The following PTPRN2 variants were observed in gnomAD, a reference collection of about 807,000 sequenced individuals.
The protein encoded by PTPRN2 is protein tyrosine phosphatase receptor type N2.
PTPRN2 carries 74 observed loss-of-function variants against 118.8 expected under a neutral mutation model. That is an observed-to-expected ratio of 0.62 (90% CI 0.52 to 0.76). The LOEUF (loss-of-function observed/expected upper bound fraction) is 0.76, where lower values mean the gene tolerates loss of function less well. Ranked by LOEUF, PTPRN2 falls within the 30% of genes least tolerant of loss-of-function variation. The probability of loss-of-function intolerance (pLI) is 0.00; values close to 1 mark genes in which losing one functional copy is unlikely to be tolerated. For synonymous variants in PTPRN2, 641 were observed against 608.0 expected, an observed-to-expected ratio of 1.05 and a Z score of -0.80; for missense variants, 1,481 against 1,394.4, an observed-to-expected ratio of 1.06 and a Z score of -0.99.
intron 6 of PTPRN2, among the ~76,000 whole-genome samples, chr7:158,160,081 A>G (rs1420879834): frequency 6.6e-6 from 1 of 152,194 alleles, no homozygotes; most frequent in Non-Finnish European, 1.5e-5. Flanking sequence ...TATTGTCTTT[A>G]TTTGGAAATT....
chr7:158,552,795 G>A (rs1371931354), intron 1 of PTPRN2, among the ~76,000 whole-genome samples: 1 of 152,278 alleles, frequency 6.6e-6, no homozygotes. Context: ...ACAACAACCA[G>A]TAAAGACCAC....
chr7:157,878,402 TGGAA>T (rs1436998318), intron 12 of PTPRN2, among the ~76,000 whole-genome samples: 5 of 147,118 alleles, frequency 3.4e-5, no homozygotes, highest in Admixed American at 1.3e-4. Context: ...TCCGTGGGGC[TGGAA>T]GGGTCAGTGT....
At chr7:158,366,824 CCA>C (rs1254374859) in intron 2 of PTPRN2, among the ~76,000 whole-genome samples, 1 of 152,178 alleles carries the variant, frequency 6.6e-6, no homozygotes, top group Non-Finnish European at 1.5e-5. Context: ...GTTTCTGTTT[CCA>C]GGGGTATTGT....
intron 12 of PTPRN2, among the ~76,000 whole-genome samples, chr7:157,778,667 A>G (rs1030948273): frequency 6.6e-6 from 1 of 151,472 alleles, no homozygotes; most frequent in Non-Finnish European, 1.5e-5. Context: ...CTGGATGCCC[A>G]CGTAAACATG....
At chr7:157,761,447 A>G (rs190602106) in intron 12 of PTPRN2, among the ~76,000 whole-genome samples, 4 of 151,468 alleles carry the variant, frequency 2.6e-5, no homozygotes, top group South Asian at 2.1e-4. Flanking sequence ...ATAATGCCTC[A>G]TATCTACAAC....
At chr7:157,653,012 C>T (rs1805773872) in intron 14 of PTPRN2, among the ~76,000 whole-genome samples, 1 of 152,208 alleles carries the variant, frequency 6.6e-6, no homozygotes, top group Non-Finnish European at 1.5e-5. Context: ...CCAGGCCAGC[C>T]CCGCCTGAAG....
chr7:158,114,642 C>G (rs555309107), intron 9 of PTPRN2, among the ~76,000 whole-genome samples: 1 of 152,248 alleles, frequency 6.6e-6, no homozygotes, highest in Non-Finnish European at 1.5e-5. Flanking sequence ...CTGGCAGGAA[C>G]AACGGTAAAG....
At position 158,401,004 on chromosome 7, in the gene PTPRN2, C is replaced by T. The variant is rs374898789; in HGVS notation, c.164-84072G>A. 1.1e-4 allele frequency among the ~76,000 whole-genome samples: 16 copies of T among 152,134 alleles called. No individual in the cohort carries two copies. In the East Asian group the frequency reaches 1.9e-3, roughly 18 times the overall value. On this transcript the variant is annotated intron_variant, in intron 2 of 22. Transcript: ENST00000389418. ...TCCCCGACTGCGGTGGGCCCTGCTC[C>T]GCCTCCTGTGGCCAAGGCCGCTCAT...
chr7:157,613,943 G>T (rs1018532585), intron 15 of PTPRN2: 9 of 454,166 alleles, frequency 2.0e-5, no homozygotes, highest in African/African-American at 1.6e-4. Flanking sequence ...CATGGCCAGG[G>T]GCGACCCTCC....
rs754693281 is a variant in PTPRN2 at position 158,133,877 on chromosome 7, A to G, written c.1356T>C (p.Tyr452=). ...GCTGCTGCCCCAGCAGATCTTTGGAATACGTCTGGCTCTTGACGTTCTCCA... is the reference window on the plus strand; with the variant it reads ...GCTGCTGCCCCAGCAGATCTTTGGAGTACGTCTGGCTCTTGACGTTCTCCA... ...AGVENVKSQT[Y]SKDLLGQQPH... is the part of the protein sequence containing the mutation. The change falls in exon 9 of 23, where the codon TAT becomes TAC. Residue 452 remains tyrosine, a synonymous_variant. Transcript: ENST00000389418. 1 of 1,613,894 alleles carries G rather than the reference A, an allele frequency of 6.2e-7. No individual in the cohort carries two copies. Among genetic ancestry groups the G allele is most frequent in the South Asian group, 1.1e-5 (1 of 91,080 alleles).
intron 17 of PTPRN2, among the ~76,000 whole-genome samples, chr7:157,580,512 T>C (rs1419687184): frequency 7.0e-6 from 1 of 142,824 alleles, no homozygotes; most frequent in African/African-American, 2.7e-5. Context: ...CCGTGGCACC[T>C]GCACACCCCA....
intron 2 of PTPRN2, among the ~76,000 whole-genome samples, chr7:158,341,704 C>A (rs1266867834): frequency 1.5e-5 from 2 of 136,642 alleles, no homozygotes; most frequent in East Asian, 2.2e-4. Flanking sequence ...CACTCACACC[C>A]ACACTCTCAC....
intron 12 of PTPRN2, among the ~76,000 whole-genome samples, chr7:157,829,232 A>T (rs1236175769): frequency 1.3e-5 from 2 of 152,258 alleles, no homozygotes; most frequent in Non-Finnish European, 2.9e-5. Context: ...AGCTATTTAA[A>T]GTCAAAAACA....
intron 11 of PTPRN2, among the ~76,000 whole-genome samples, chr7:158,002,240 G>C (rs777552250): frequency 6.6e-6 from 1 of 152,158 alleles, no homozygotes; most frequent in Non-Finnish European, 1.5e-5. Flanking sequence ...TTAGAGACCC[G>C]CCCCCTGCAG....
At chr7:157,982,709 G>A (rs1463618233) in intron 11 of PTPRN2, among the ~76,000 whole-genome samples, 10 of 124,592 alleles carry the variant, frequency 8.0e-5, no homozygotes, top group Non-Finnish European at 9.8e-5. Context: ...GCAGAGTACC[G>A]GGTTCCCCCC....
chr7:158,044,194 C>T (rs1808674757), intron 11 of PTPRN2, among the ~76,000 whole-genome samples: 1 of 152,178 alleles, frequency 6.6e-6, no homozygotes. Context: ...TCCAGAAAGT[C>T]TTGGTTAAAT....
chr7:157,858,146 C>CT (rs1563179157), intron 12 of PTPRN2, among the ~76,000 whole-genome samples: 116 of 61,794 alleles, frequency 1.9e-3, no homozygotes, highest in Non-Finnish European at 3.1e-3. Context: ...CAGGGAGAGC[C>CT]CCGTCACCAC....
At chr7:158,153,310 G>A (rs1401584325) in intron 6 of PTPRN2, among the ~76,000 whole-genome samples, 3 of 152,210 alleles carry the variant, frequency 2.0e-5, no homozygotes, top group African/African-American at 7.2e-5. Flanking sequence ...ACTAAGGCAA[G>A]AACCCAGCAT....
intron 12 of PTPRN2, among the ~76,000 whole-genome samples, chr7:157,708,727 C>T (rs535127547): frequency 6.6e-5 from 10 of 152,280 alleles, no homozygotes; most frequent in East Asian, 3.9e-4. Flanking sequence ...GCAGCCGTGA[C>T]GGCACTGTGT....
Sources: gnomAD v4.1 joint callset for allele counts (sites outside exome capture counted in the v4.1 genomes callset) on GRCh38, gnomAD v4.1.1 for gene constraint, MANE v1.5 for transcripts, NCBI Gene and HGNC (gene_info 2026-07-23, HGNC 2026-07-21) for gene names.